Variants in ATXN7L1 observed in about 807,000 individuals in gnomAD.
ATXN7L1 encodes ataxin-7-like protein 1.
In ATXN7L1, 15 loss-of-function variants were observed where a neutral mutation model predicts 70.8. The observed-to-expected ratio is 0.21, with a 90% CI of 0.14 to 0.33. The LOEUF is 0.33. ATXN7L1 is among the 10% of genes least tolerant of loss of function. The probability of loss-of-function intolerance (pLI) is 1.00; values close to 1 mark genes in which losing one functional copy is unlikely to be tolerated. For synonymous variants in ATXN7L1, 440 were observed against 445.1 expected (o/e 0.99, Z 0.14); for missense variants, 975 against 1,097.1 (o/e 0.89, Z 1.57).
chr7:105,623,847 G>C (rs1408776748), intron 8 of ATXN7L1, among the ~76,000 whole-genome samples: 1 of 152,130 alleles, frequency 6.6e-6, no homozygotes, highest in African/African-American at 2.4e-5. Flanking sequence ...TTTCTTTTTA[G>C]TAGTATGTGG....
chr7:105,734,538 C>T lies in ATXN7L1; in HGVS notation c.355+54066G>A, dbSNP rs748118480. On this transcript the variant is annotated intron_variant, in intron 3 of 11. Coordinates refer to ENST00000419735, the MANE Select transcript of ATXN7L1 (RefSeq NM_020725.2). ...TCAATAATCTTTGGTAAACATCTGACTCAAGCGTGCACCAGCTCTTCCCGC... is the reference window on the plus strand; with the variant it reads ...TCAATAATCTTTGGTAAACATCTGATTCAAGCGTGCACCAGCTCTTCCCGC... Among the ~76,000 whole-genome samples the T allele has an allele frequency of 2.6e-5, 4 of 152,176 alleles. No individual in the cohort carries two copies. The South Asian group carries it at 6.2e-4, about 24-fold the overall frequency.
intron 3 of ATXN7L1, among the ~76,000 whole-genome samples, chr7:105,771,008 T>C (rs972530372): frequency 1.4e-4 from 22 of 152,028 alleles, no homozygotes; most frequent in South Asian, 4.1e-4. Context: ...AAGACCAGCC[T>C]GACCAACATG....
intron 7 of ATXN7L1, among the ~76,000 whole-genome samples, chr7:105,634,923 A>G (rs1797143875): frequency 6.6e-6 from 1 of 152,062 alleles, no homozygotes; most frequent in African/African-American, 2.4e-5. Context: ...CTACAGGAAA[A>G]AAAAAAAAAG....
chr7:105,654,359 C>T (rs926934587), intron 4 of ATXN7L1, among the ~76,000 whole-genome samples: 2 of 152,398 alleles, frequency 1.3e-5, no homozygotes, highest in East Asian at 1.9e-4. Context: ...TATGCACTCA[C>T]GTGCAATACC....
At chr7:105,775,764 G>A (rs550931749) in intron 3 of ATXN7L1, among the ~76,000 whole-genome samples, 2 of 152,272 alleles carry the variant, frequency 1.3e-5, no homozygotes, top group Admixed American at 6.5e-5. Context: ...CTAGGCCCAC[G>A]TTCTTAGGAA....
chr7:105,847,004 G>A (rs1481636853), intron 2 of ATXN7L1, among the ~76,000 whole-genome samples: 3 of 152,202 alleles, frequency 2.0e-5, no homozygotes, highest in African/African-American at 4.8e-5. Context: ...TTTCTTTCGG[G>A]ACTAACAGAT....
intron 5 of ATXN7L1, among the ~76,000 whole-genome samples, chr7:105,642,540 T>C (rs906672345): frequency 6.6e-6 from 1 of 152,232 alleles, no homozygotes; most frequent in Non-Finnish European, 1.5e-5. Flanking sequence ...CAGAATCACC[T>C]GCTCACAAGA....
chr7:105,677,604 T>G (rs1199276687), intron 3 of ATXN7L1, among the ~76,000 whole-genome samples: 1 of 152,192 alleles, frequency 6.6e-6, no homozygotes, highest in Admixed American at 6.5e-5. Context: ...ATTGATAACA[T>G]GTAGAAGGTG....
intron 3 of ATXN7L1, among the ~76,000 whole-genome samples, chr7:105,714,168 A>G (rs1563029256): frequency 6.6e-6 from 1 of 152,266 alleles, no homozygotes; most frequent in Non-Finnish European, 1.5e-5. Context: ...TAGCTTGCCC[A>G]AGCCACCCAC....
Position 105,804,286 on chromosome 7 carries a change from G to A in ATXN7L1, c.251-15578C>T, listed in dbSNP as rs544191474. On this transcript the variant is annotated intron_variant, in intron 2 of 11. Transcript: ENST00000419735. ...GATATGAATAGAGGGGAAGGGTCTA[G>A]CTGTCTTGCTTCCAAAAAGGCCTGA... Among the ~76,000 whole-genome samples the A allele has an allele frequency of 2.1e-3, 321 of 152,282 alleles. 2 individuals carry two copies. Among genetic ancestry groups the A allele is most frequent in the Admixed American group, 4.1e-3 (63 of 15,302 alleles).
At chr7:105,628,792 C>CAAATAAATAAATAAAT (rs199937717) in intron 7 of ATXN7L1, among the ~76,000 whole-genome samples, 1 of 141,938 alleles carries the variant, frequency 7.0e-6, no homozygotes, top group Non-Finnish European at 1.5e-5. Flanking sequence ...GACTCCATCT[C>CAAATAAATAAATAAAT]AAATAAATAA....
intron 2 of ATXN7L1, among the ~76,000 whole-genome samples, chr7:105,866,014 G>A (rs1817411583): frequency 6.6e-6 from 1 of 152,032 alleles, no homozygotes; most frequent in Non-Finnish European, 1.5e-5. Context: ...ACCAAACTGG[G>A]ACCATGTCTC....
chr7:105,720,969 G>A (rs1419355365), intron 3 of ATXN7L1, among the ~76,000 whole-genome samples: 1 of 152,132 alleles, frequency 6.6e-6, no homozygotes, highest in East Asian at 1.9e-4. Context: ...CGGGCTGTAG[G>A]AAGTTTCCCT....
chr7:105,815,683 T>C (rs77224763), intron 2 of ATXN7L1, among the ~76,000 whole-genome samples: 5,056 of 152,256 alleles, frequency 0.033, 276 homozygotes, highest in African/African-American at 0.11. Context: ...TCCCCTAAAA[T>C]GGACAAACTA....
At chr7:105,872,416 C>T (rs1818401799) in intron 2 of ATXN7L1, among the ~76,000 whole-genome samples, 1 of 152,102 alleles carries the variant, frequency 6.6e-6, no homozygotes, top group South Asian at 2.1e-4. Flanking sequence ...ATGGAAACAA[C>T]CCAAATGTCC....
chr7:105,620,597 G>C (rs1456680096), intron 8 of ATXN7L1, among the ~76,000 whole-genome samples: 1 of 152,104 alleles, frequency 6.6e-6, no homozygotes, highest in African/African-American at 2.4e-5. Flanking sequence ...AGCATTTTTG[G>C]TTAAGAAACA....
At chr7:105,671,186 G>T (rs1347475550) in intron 3 of ATXN7L1, among the ~76,000 whole-genome samples, 2 of 150,702 alleles carry the variant, frequency 1.3e-5, no homozygotes. Context: ...AGGAGGCTGC[G>T]GCAGGAGAAT....
chr7:105,711,057 G>A (rs138413424), intron 3 of ATXN7L1, among the ~76,000 whole-genome samples: 38 of 152,194 alleles, frequency 2.5e-4, no homozygotes, highest in African/African-American at 8.7e-4. Flanking sequence ...GGGGGAAACC[G>A]CCCCCATGAT....
At chr7:105,805,583 G>T (rs1807452775) in intron 2 of ATXN7L1, among the ~76,000 whole-genome samples, 1 of 152,232 alleles carries the variant, frequency 6.6e-6, no homozygotes, top group African/African-American at 2.4e-5. Flanking sequence ...ATCATGAAAA[G>T]AGACAGGGCG....
Sources: allele counts gnomAD v4.1 joint callset (sites outside exome capture counted in the v4.1 genomes callset), GRCh38; gene constraint gnomAD v4.1.1; transcripts MANE v1.5; gene names NCBI Gene and HGNC (gene_info 2026-07-23, HGNC 2026-07-21).